The following PADI4 variants were observed in gnomAD, a reference collection of about 807,000 sequenced individuals.
PADI4 encodes peptidyl arginine deiminase 4.
Under a neutral mutation model 75.0 loss-of-function variants are expected in PADI4, and 62 were observed. That is an observed-to-expected ratio of 0.83 (90% CI 0.67 to 1.02). The LOEUF is 1.02. Ranked by LOEUF, PADI4 falls within the 50% of genes least tolerant of loss-of-function variation. The pLI, the probability that PADI4 is intolerant of heterozygous loss-of-function variation, is 0.00. For synonymous variants in PADI4, 361 were observed against 348.1 expected, an observed-to-expected ratio of 1.04 and a Z score of -0.41; for missense variants, 845 against 850.5, an observed-to-expected ratio of 0.99 and a Z score of 0.08.
chr1:17,341,700 A>G (rs2074421178), intron 6 of PADI4, among the ~76,000 whole-genome samples: 1 of 152,146 alleles, frequency 6.6e-6, no homozygotes, highest in South Asian at 2.1e-4. Flanking sequence ...TGGACTTCCT[A>G]TAAAGTTTGG....
chr1:17,338,667 G>A (rs577679250), intron 5 of PADI4, among the ~76,000 whole-genome samples: 3 of 152,300 alleles, frequency 2.0e-5, no homozygotes, highest in Admixed American at 6.5e-5. Context: ...AGCAGACTCG[G>A]GGTTTGAACC....
At chr1:17,316,056 C>T (rs2073927888) in intron 1 of PADI4, among the ~76,000 whole-genome samples, 1 of 151,966 alleles carries the variant, frequency 6.6e-6, no homozygotes, top group Non-Finnish European at 1.5e-5. Context: ...GCCTTTTCCT[C>T]CTCCTGATGA....
In PADI4 at chr1:17,330,964, C is replaced by A; in HGVS notation, c.93-5C>A. The A allele has an allele frequency of 6.5e-7, 1 of 1,546,622 alleles. No homozygotes were observed. The highest frequency in any genetic ancestry group is 1.4e-5 in the African/African-American group (1 of 71,104). ...CCTCTGCTTTCCCATGTGTCTTGTCCACAGCTCTGCCCCTGAGGACTGCAC... is the reference window on the plus strand; with the variant it reads ...CCTCTGCTTTCCCATGTGTCTTGTCAACAGCTCTGCCCCTGAGGACTGCAC... On this transcript the variant is annotated splice_region_variant and splice_polypyrimidine_tract_variant and intron_variant, in intron 1 of 15. Coordinates refer to ENST00000375448, the MANE Select transcript of PADI4 (RefSeq NM_012387.3).
At chr1:17,357,896 A>G (rs1292819526) in intron 13 of PADI4, among the ~76,000 whole-genome samples, 3 of 148,352 alleles carry the variant, frequency 2.0e-5, no homozygotes, top group African/African-American at 7.5e-5. Context: ...GTGCCACTGC[A>G]CTCTAGCCTG....
chr1:17,355,739 T>C (rs2074748756), intron 11 of PADI4, among the ~76,000 whole-genome samples: 1 of 152,214 alleles, frequency 6.6e-6, no homozygotes, highest in Admixed American at 6.5e-5. Context: ...GAGGCAGTGC[T>C]TTCTGAGGCT....
intron 1 of PADI4, among the ~76,000 whole-genome samples, chr1:17,329,390 T>C (rs1439517438): frequency 6.6e-6 from 1 of 152,004 alleles, no homozygotes; most frequent in Non-Finnish European, 1.5e-5. Context: ...ACTAATAGAC[T>C]ACTGTTGATG....
chr1:17,353,268 G>T (rs1312048179), intron 10 of PADI4, among the ~76,000 whole-genome samples: 2 of 152,094 alleles, frequency 1.3e-5, no homozygotes, highest in Non-Finnish European at 2.9e-5. Context: ...AGACCAGCCT[G>T]GGCAACATAG....
At position 17,363,716 on chromosome 1, in the gene PADI4, A is replaced by G. The variant is rs1444160068; in HGVS notation, c.1953A>G (p.Arg651=). ...TGCACTGCGGCACCAACGTGCGCAG[A>G]AAGCCCTTCTCCTTCAAGTGGTGGA... ...GEVHCGTNVR[R]KPFSFKWWNM... is the part of the protein sequence containing the mutation. Residue 651 remains arginine, a synonymous_variant, in exon 16 of 16, where the codon AGA becomes AGG. Coordinates refer to ENST00000375448, the MANE Select transcript of PADI4 (RefSeq NM_012387.3). 10 of 1,613,980 alleles carry G rather than the reference A, an allele frequency of 6.2e-6. No individual in the cohort carries two copies. The Admixed American group carries it at 1.3e-4, about 22-fold the overall frequency.
chr1:17,312,856 C>CTT (rs71014932), intron 1 of PADI4, among the ~76,000 whole-genome samples: 1,649 of 133,998 alleles, frequency 0.012, 38 homozygotes, highest in African/African-American at 0.043. Context: ...AGATATGTAG[C>CTT]TTTTTTTTTT....
At chr1:17,331,842 C>T (rs12035527) in intron 2 of PADI4, among the ~76,000 whole-genome samples, 83,926 of 151,886 alleles carry the variant, frequency 0.55, 23,431 homozygotes, top group East Asian at 0.59. Context: ...CTCTTGAACC[C>T]GGGAGGGGGA....
intron 10 of PADI4, among the ~76,000 whole-genome samples, chr1:17,352,166 G>A (rs1370188084): frequency 6.7e-5 from 10 of 149,778 alleles, no homozygotes; most frequent in African/African-American, 2.2e-4. Context: ...GGGAGGTGAT[G>A]AGAGGTGGTA....
chr1:17,332,430 A>C (rs2074230753), intron 2 of PADI4, among the ~76,000 whole-genome samples: 1 of 151,896 alleles, frequency 6.6e-6, no homozygotes, highest in Non-Finnish European at 1.5e-5. Flanking sequence ...TATTTTTTTT[A>C]GTAGAGATGG....
At chr1:17,312,455 C>A (rs186188317) in intron 1 of PADI4, among the ~76,000 whole-genome samples, 1 of 87,694 alleles carries the variant, frequency 1.1e-5, no homozygotes, top group South Asian at 5.3e-4. Context: ...AGTGAAACTC[C>A]GCCTCAAAAA....
intron 1 of PADI4, among the ~76,000 whole-genome samples, chr1:17,311,795 G>A (rs1569969415): frequency 6.6e-6 from 1 of 152,144 alleles, no homozygotes; most frequent in African/African-American, 2.4e-5. Context: ...AAAGTGCTGG[G>A]ATTACAGGCT....
intron 10 of PADI4, among the ~76,000 whole-genome samples, chr1:17,352,453 C>T (rs2074680772): frequency 1.3e-5 from 2 of 151,976 alleles, no homozygotes; most frequent in African/African-American, 4.8e-5. Context: ...ACAAGCCCTG[C>T]TATGTGTTGT....
intron 15 of PADI4, among the ~76,000 whole-genome samples, chr1:17,362,613 A>G (rs1313940779): frequency 1.3e-5 from 2 of 152,144 alleles, no homozygotes; most frequent in East Asian, 3.9e-4. Context: ...GGTAATGGAT[A>G]CACTAGAAGC....
chr1:17,310,842 T>C (rs2073810604), intron 1 of PADI4, among the ~76,000 whole-genome samples: 1 of 152,108 alleles, frequency 6.6e-6, no homozygotes, highest in Non-Finnish European at 1.5e-5. Flanking sequence ...CTCACATCTG[T>C]AATCCCAGCA....
At chr1:17,326,721 T>G (rs1459192572) in intron 1 of PADI4, among the ~76,000 whole-genome samples, 4 of 152,146 alleles carry the variant, frequency 2.6e-5, no homozygotes, top group African/African-American at 9.7e-5. Flanking sequence ...GATACACAAT[T>G]CTATATATAT....
At chr1:17,358,091 T>G (rs1160372979) in intron 13 of PADI4, among the ~76,000 whole-genome samples, 1 of 150,596 alleles carries the variant, frequency 6.6e-6, no homozygotes, top group Non-Finnish European at 1.5e-5. Context: ...TTACTAAAAG[T>G]ACAAAAATTA....
Sources: allele counts gnomAD v4.1 joint callset (sites outside exome capture counted in the v4.1 genomes callset), GRCh38; gene constraint gnomAD v4.1.1; transcripts MANE v1.5; gene names NCBI Gene and HGNC (gene_info 2026-07-23, HGNC 2026-07-21).